The following ATP6V0D2 variants were observed in gnomAD, a reference collection of about 807,000 sequenced individuals.
ATP6V0D2 encodes the protein ATPase H+ transporting V0 subunit d2.
Under a neutral mutation model 40.0 loss-of-function variants are expected in ATP6V0D2, and 40 were observed. The observed-to-expected ratio is 1.00, with a 90% CI of 0.78 to 1.30. The LOEUF is 1.30. ATP6V0D2 is among the 50% of genes most tolerant of loss of function. The pLI is 0.00. For synonymous variants in ATP6V0D2, 179 were observed against 156.3 expected, an observed-to-expected ratio of 1.15 and a Z score of -1.08; for missense variants, 470 against 423.1, an observed-to-expected ratio of 1.11 and a Z score of -0.97.
chr8:86,102,302 C>T lies in ATP6V0D2; in HGVS notation c.130+3194C>T, dbSNP rs567625670. 2.7e-5 allele frequency among the ~76,000 whole-genome samples: 4 copies of T among 149,056 alleles called. No homozygotes were observed. The East Asian group carries it at 8.0e-4, about 30-fold the overall frequency. On this transcript the variant is annotated intron_variant, in intron 1 of 7. Transcript: ENST00000285393. ...AATGTACTTAAGGAGACTCAGTCTG[C>T]CCCAAGCTAGATTCAGAGCTGAGAA... is the stretch of plus-strand genomic sequence containing the variant.
intron 2 of ATP6V0D2, among the ~76,000 whole-genome samples, chr8:86,127,874 C>T: frequency 6.6e-6 from 1 of 152,132 alleles, no homozygotes; most frequent in Non-Finnish European, 1.5e-5. Context: ...GTGGATCTGG[C>T]CTCCTAGGTA....
chr8:86,099,619 G>A (rs4961078), intron 1 of ATP6V0D2, among the ~76,000 whole-genome samples: 62,313 of 151,878 alleles, frequency 0.41, 13,658 homozygotes, highest in East Asian at 0.51. Flanking sequence ...TCAGCCTCCC[G>A]AGTAACTGAG....
chr8:86,104,030 T>C (rs2130225911), intron 1 of ATP6V0D2, among the ~76,000 whole-genome samples: 1 of 152,088 alleles, frequency 6.6e-6, no homozygotes. Context: ...TCTCACCATG[T>C]TGGCCATGAC....
chr8:86,141,393 T>C (rs367898824), intron 3 of ATP6V0D2, 57 bp from the exon 4 acceptor site: 224 of 1,369,494 alleles, frequency 1.6e-4, no homozygotes, highest in Non-Finnish European at 2.2e-4. Flanking sequence ...ATACGTTTTC[T>C]ACAGCTTATA....
chr8:86,126,388 C>CT (rs1218030757), intron 2 of ATP6V0D2, among the ~76,000 whole-genome samples: 1 of 151,190 alleles, frequency 6.6e-6, no homozygotes, highest in Non-Finnish European at 1.5e-5. Flanking sequence ...TTAAGCCCAG[C>CT]ATCCGTTGGC....
chr8:86,127,956 C>T (rs891101537), intron 2 of ATP6V0D2, among the ~76,000 whole-genome samples: 1 of 152,168 alleles, frequency 6.6e-6, no homozygotes, highest in Non-Finnish European at 1.5e-5. Context: ...GTGGCTCATG[C>T]CTGTAATCTC....
At chr8:86,127,983 A>G (rs1287801615) in intron 2 of ATP6V0D2, among the ~76,000 whole-genome samples, 2 of 152,014 alleles carry the variant, frequency 1.3e-5, no homozygotes, top group African/African-American at 2.4e-5. Context: ...TTGGAAGGCC[A>G]TGGTGGAAAG....
intron 2 of ATP6V0D2, among the ~76,000 whole-genome samples, chr8:86,138,514 G>T (rs2721257): frequency 0.85 from 129,652 of 152,044 alleles, 55,410 homozygotes; most frequent in Middle Eastern, 0.91. Context: ...ACCAGGACAT[G>T]CACCCAGGGT....
chr8:86,133,927 C>T (rs996033173), intron 2 of ATP6V0D2, among the ~76,000 whole-genome samples: 1 of 151,890 alleles, frequency 6.6e-6, no homozygotes, highest in Non-Finnish European at 1.5e-5. Flanking sequence ...CTGAAAATTC[C>T]CCCCATTTGG....
chr8:86,151,668 G>A, intron 7 of ATP6V0D2, 128 bp downstream of exon 7: 1 of 647,300 alleles, frequency 1.5e-6, no homozygotes, highest in Non-Finnish European at 2.7e-6. Flanking sequence ...TAGCTTGATA[G>A]TCAGTGATGT....
intron 4 of ATP6V0D2, among the ~76,000 whole-genome samples, chr8:86,142,129 C>T (rs1365097483): frequency 6.6e-6 from 1 of 152,208 alleles, no homozygotes; most frequent in African/African-American, 2.4e-5. Flanking sequence ...TCTTTGGACA[C>T]TCACACACAG....
rs779838695 is a variant in ATP6V0D2 at position 86,152,799 on chromosome 8, T to A, written c.892-17T>A. The A allele has an allele frequency of 5.7e-6, 9 of 1,579,920 alleles. No homozygotes were observed. The South Asian group carries it at 1.1e-4, about 19-fold the overall frequency. ...CAAATAAGTTGATGATCTGTGTTAC[T>A]TTTTTTCTTTCCTCAGGTACAAATG... On this transcript the variant is annotated splice_polypyrimidine_tract_variant and intron_variant, in intron 7 of 7. Transcript: ENST00000285393.
intron 1 of ATP6V0D2, among the ~76,000 whole-genome samples, chr8:86,100,884 A>G (rs1013200439): frequency 2.0e-5 from 3 of 152,040 alleles, no homozygotes; most frequent in Admixed American, 6.6e-5. Flanking sequence ...GAAACAAAAA[A>G]AAGAATTCAG....
At chr8:86,136,694 T>C (rs985145955) in intron 2 of ATP6V0D2, among the ~76,000 whole-genome samples, 1 of 152,162 alleles carries the variant, frequency 6.6e-6, no homozygotes, top group Admixed American at 6.6e-5. Flanking sequence ...GGTTAAGCTC[T>C]AGAAGTTCCA....
chr8:86,122,910 T>C (rs1013510604), intron 2 of ATP6V0D2, among the ~76,000 whole-genome samples: 1 of 152,090 alleles, frequency 6.6e-6, no homozygotes, highest in Admixed American at 6.6e-5. Flanking sequence ...AGTAAAGAGG[T>C]TGACCAGGTG....
chr8:86,113,782 C>G lies in ATP6V0D2; in HGVS notation c.204C>G (p.Ser68=). Reference sequence around the variant, plus strand: ...ATCACACAAATCCTCTTACTGTTTCCAAAATTGACACTGAGATGAGGAAAA... The same window carrying G: ...ATCACACAAATCCTCTTACTGTTTCGAAAATTGACACTGAGATGAGGAAAA... ...LANHTNPLTV[S]KIDTEMRKRL... The change falls in exon 2 of 8, where the codon TCC becomes TCG. Residue 68 remains serine, a synonymous_variant. Transcript: ENST00000285393. 1 of 1,613,684 alleles carries G rather than the reference C, an allele frequency of 6.2e-7. No homozygotes were observed. The highest frequency in any genetic ancestry group is 8.5e-7 in the Non-Finnish European group (1 of 1,179,800).
intron 2 of ATP6V0D2, among the ~76,000 whole-genome samples, chr8:86,136,787 CAAT>C (rs1818903532): frequency 6.6e-6 from 1 of 152,132 alleles, no homozygotes; most frequent in African/African-American, 2.4e-5. Flanking sequence ...ACTCTGGTGA[CAAT>C]GTTTCTACGT....
chr8:86,136,820 C>A (rs1367930977), intron 2 of ATP6V0D2, among the ~76,000 whole-genome samples: 1 of 152,124 alleles, frequency 6.6e-6, no homozygotes, highest in Non-Finnish European at 1.5e-5. Context: ...AATTTTCATC[C>A]AGTAAAAAGG....
At chr8:86,122,406 TG>T (rs916143125) in intron 2 of ATP6V0D2, among the ~76,000 whole-genome samples, 9 of 152,346 alleles carry the variant, frequency 5.9e-5, no homozygotes, top group African/African-American at 2.2e-4. Flanking sequence ...AATATCCCAA[TG>T]ACACATAATA....
Sources: gnomAD v4.1 joint callset for allele counts (sites outside exome capture counted in the v4.1 genomes callset) on GRCh38, gnomAD v4.1.1 for gene constraint, MANE v1.5 for transcripts, NCBI Gene and HGNC (gene_info 2026-07-23, HGNC 2026-07-21) for gene names.